POMT2: variants seen among roughly 807,000 people sequenced by gnomAD.
POMT2 encodes the protein protein O-mannosyltransferase 2.
POMT2 carries 75 observed loss-of-function variants against 100.0 expected under a neutral mutation model. That is an observed-to-expected ratio of 0.75 (90% CI 0.62 to 0.91). The LOEUF is 0.91. Ranked by LOEUF, POMT2 falls within the 40% of genes least tolerant of loss-of-function variation. The pLI is 0.00. For missense variants in POMT2, 940 were observed against 955.1 expected (o/e 0.98, Z 0.21); for synonymous variants, 378 against 374.1 (o/e 1.01, Z -0.12).
At chr14:77,310,714 C>T (rs1202493061) in intron 2 of POMT2, among the ~76,000 whole-genome samples, 3 of 152,212 alleles carry the variant, frequency 2.0e-5, no homozygotes, top group African/African-American at 7.2e-5. Context: ...TCCAAGATCC[C>T]TCCCCACTTA....
At chr14:77,285,673 G>C in intron 12 of POMT2, 41 bp from the exon 13 acceptor site, 1 of 1,586,366 alleles carries the variant, frequency 6.3e-7, no homozygotes, top group Non-Finnish European at 8.7e-7. Context: ...GAAAGTGAGG[G>C]GACTTTAGAG....
chr14:77,279,359 A>C (rs1890115384), intron 18 of POMT2: 1 of 367,346 alleles, frequency 2.7e-6, no homozygotes, highest in Non-Finnish European at 5.3e-6. Flanking sequence ...AGTTACCAAG[A>C]ACAGCACTGG....
At chr14:77,302,811 C>A in intron 5 of POMT2, 24 bp downstream of exon 5, 1 of 1,589,122 alleles carries the variant, frequency 6.3e-7, no homozygotes, top group Non-Finnish European at 8.6e-7. Flanking sequence ...CCAACCCTCC[C>A]CTCCCGGGGA....
intron 9 of POMT2, 43 bp downstream of exon 9, chr14:77,296,121 G>A (rs151009222): frequency 1.5e-5 from 21 of 1,437,874 alleles, no homozygotes; most frequent in African/African-American, 1.4e-4. Flanking sequence ...CTGTCATGGC[G>A]AACAGCATTG....
intron 7 of POMT2, among the ~76,000 whole-genome samples, chr14:77,299,053 A>C (rs1330732006): frequency 6.6e-6 from 1 of 152,256 alleles, no homozygotes; most frequent in Non-Finnish European, 1.5e-5. Flanking sequence ...TTCTGATTAA[A>C]TGAGATAATG....
intron 6 of POMT2, chr14:77,300,750 G>C (rs1189752749): frequency 9.6e-6 from 3 of 310,938 alleles, no homozygotes; most frequent in African/African-American, 6.6e-5. Flanking sequence ...TACCCAGGAG[G>C]CGGAAGTTGC....
At chr14:77,287,137 A>T (rs1030803959) in intron 11 of POMT2, 1 of 375,538 alleles carries the variant, frequency 2.7e-6, no homozygotes, top group African/African-American at 2.1e-5. Context: ...TGAAGCACTT[A>T]GCTTGCCTGA....
chr14:77,296,539 C>A, intron 8 of POMT2: 1 of 482,862 alleles, frequency 2.1e-6, no homozygotes, highest in Non-Finnish European at 3.8e-6. Flanking sequence ...CGTGTAACAG[C>A]AAAAGACGAA....
rs748180680 is a variant in POMT2, at chr14:77,279,976, G to C, written c.1785+45C>G. The C allele has an allele frequency of 5.0e-6, 8 of 1,614,010 alleles. No homozygotes were observed. In the African/African-American group the frequency reaches 1.1e-4, roughly 22 times the overall value. On this transcript the variant is annotated intron_variant, in intron 17 of 20. Transcript: ENST00000261534. ...AGATGAGAACGCAGCCGCTCTCCAC[G>C]GGCAAGTGCTCCAGGGCCTGAGCCG... is the stretch of plus-strand genomic sequence containing the variant.
intron 12 of POMT2, 28 bp from the exon 13 acceptor site, chr14:77,285,660 A>T (rs1240806322): frequency 6.2e-7 from 1 of 1,601,556 alleles, no homozygotes; most frequent in Non-Finnish European, 8.6e-7. Flanking sequence ...AAAAAAATAC[A>T]AAGAAAGTGA....
chr14:77,280,316 A>T, intron 16 of POMT2, 76 bp downstream of exon 16: 1 of 1,323,232 alleles, frequency 7.6e-7, no homozygotes, highest in East Asian at 2.7e-5. Context: ...TAGTACACCC[A>T]CCCCCGCCTC....
chr14:77,306,952 GAGGGGAAGAGAAAAA>G (rs1555354828), intron 2 of POMT2: 1 of 172,634 alleles, frequency 5.8e-6, no homozygotes, highest in Non-Finnish European at 1.2e-5. Flanking sequence ...GCTTTGCCCA[GAGGGGAAGAGAAAAA>G]CTGCCAAAGG....
Position 77,277,389 on chromosome 14 carries a change from G to A in POMT2, c.2240C>T (p.Ser747Leu), listed in dbSNP as rs1594882009. Residue 747 changes from serine to leucine, a missense_variant, in exon 21 of 21, where the codon TCA becomes TTA. Physicochemically the swap from Ser to Leu is moderately radical, Grantham distance 145. Coordinates refer to ENST00000261534, the MANE Select transcript of POMT2 (RefSeq NM_013382.7). ...SPMAGLRWLD[S>L]WDF ...TTTGCAGTGGCCTCAAAAGTCCCAT[G>A]AGTCCAGCCACCTTAGTCCTGCCAT... 1 of 1,612,996 alleles carries A rather than the reference G, an allele frequency of 6.2e-7. No homozygotes were observed. The highest frequency in any genetic ancestry group is 8.5e-7 in the Non-Finnish European group (1 of 1,178,958).
intron 3 of POMT2, among the ~76,000 whole-genome samples, chr14:77,305,569 T>G (rs1891195131): frequency 6.6e-6 from 1 of 152,228 alleles, no homozygotes; most frequent in Admixed American, 6.5e-5. Flanking sequence ...GATATAGCCA[T>G]GCAAATCATC....
intron 9 of POMT2, 70 bp from the exon 10 acceptor site, chr14:77,291,450 G>T (rs1890639789): frequency 6.4e-7 from 1 of 1,567,432 alleles, no homozygotes; most frequent in African/African-American, 1.3e-5. Flanking sequence ...AGCACAGCTG[G>T]CCAAGGACAA....
At chr14:77,288,185 G>C (rs560452227) in intron 11 of POMT2, among the ~76,000 whole-genome samples, 1 of 152,256 alleles carries the variant, frequency 6.6e-6, no homozygotes, top group Admixed American at 6.5e-5. Context: ...TTATTTCTCT[G>C]GATTCCTCAT....
intron 15 of POMT2, among the ~76,000 whole-genome samples, chr14:77,282,622 C>T (rs1318026355): frequency 6.6e-6 from 1 of 152,162 alleles, no homozygotes; most frequent in African/African-American, 2.4e-5. Context: ...TTCAAAAGAG[C>T]TATGTCATCA....
intron 11 of POMT2, among the ~76,000 whole-genome samples, chr14:77,288,225 T>C (rs1475289244): frequency 2.6e-5 from 4 of 152,256 alleles, no homozygotes; most frequent in Non-Finnish European, 5.9e-5. Context: ...GGTAACTCTT[T>C]AATATCTTGT....
intron 4 of POMT2, among the ~76,000 whole-genome samples, chr14:77,303,742 C>T (rs1891134402): frequency 6.6e-6 from 1 of 152,210 alleles, no homozygotes; most frequent in African/African-American, 2.4e-5. Context: ...TAGTACTGAT[C>T]TCCATTATTC....
Sources: gnomAD v4.1 joint callset for allele counts (sites outside exome capture counted in the v4.1 genomes callset) on GRCh38, gnomAD v4.1.1 for gene constraint, MANE v1.5 for transcripts, NCBI Gene and HGNC (gene_info 2026-07-23, HGNC 2026-07-21) for gene names.